The following CEP112 variants were observed in gnomAD, a reference collection of about 807,000 sequenced individuals.
CEP112 encodes the protein centrosomal protein of 112 kDa.
In CEP112, 127 loss-of-function variants were observed where a neutral mutation model predicts 153.0. The observed-to-expected ratio is 0.83, with a 90% CI of 0.72 to 0.96. The LOEUF (loss-of-function observed/expected upper bound fraction) is 0.96. CEP112 is among the 40% of genes least tolerant of loss of function. CEP112 has a pLI of 0.00. For synonymous variants in CEP112, 358 were observed against 374.4 expected, an observed-to-expected ratio of 0.96 and a Z score of 0.51; for missense variants, 1,089 against 1,101.2, an observed-to-expected ratio of 0.99 and a Z score of 0.16.
chr17:65,680,658 G>A (rs2047474383), intron 24 of CEP112, among the ~76,000 whole-genome samples: 1 of 152,178 alleles, frequency 6.6e-6, no homozygotes, highest in East Asian at 1.9e-4. Context: ...AAGCTTTAAT[G>A]CGGAGGGCGG....
intron 21 of CEP112, among the ~76,000 whole-genome samples, chr17:65,800,862 T>C (rs892561863): frequency 5.9e-5 from 9 of 152,214 alleles, no homozygotes; most frequent in Admixed American, 5.9e-4. Flanking sequence ...TAATGACTAA[T>C]GGTGTTGAGC....
chr17:66,081,305 T>C (rs1314375765), intron 8 of CEP112, among the ~76,000 whole-genome samples: 1 of 152,100 alleles, frequency 6.6e-6, no homozygotes, highest in Admixed American at 6.5e-5. Flanking sequence ...TTAAAACAAA[T>C]AGGTGAAAAT....
intron 21 of CEP112, among the ~76,000 whole-genome samples, chr17:65,762,741 T>C (rs1446555725): frequency 6.6e-6 from 1 of 152,034 alleles, no homozygotes; most frequent in Non-Finnish European, 1.5e-5. Context: ...TTATTTTTTG[T>C]ATTACTGCTG....
intron 8 of CEP112, among the ~76,000 whole-genome samples, chr17:66,083,830 C>G (rs1032045879): frequency 4.6e-5 from 7 of 152,072 alleles, no homozygotes; most frequent in African/African-American, 7.2e-5. Context: ...CACACTCCAG[C>G]CTGGGTGACT....
chr17:65,768,093 C>T (rs938762845), intron 21 of CEP112, among the ~76,000 whole-genome samples: 2 of 152,096 alleles, frequency 1.3e-5, no homozygotes, highest in African/African-American at 2.4e-5. Flanking sequence ...TTGACTACCC[C>T]AAAACTTAAC....
chr17:66,039,515 C>T (rs1598196758), intron 12 of CEP112, among the ~76,000 whole-genome samples: 1 of 152,010 alleles, frequency 6.6e-6, no homozygotes, highest in South Asian at 2.1e-4. Context: ...AGTTTGTGTG[C>T]CACTGCACTC....
chr17:66,090,836 A>G (rs1338576796), intron 8 of CEP112, among the ~76,000 whole-genome samples: 1 of 152,094 alleles, frequency 6.6e-6, no homozygotes, highest in Non-Finnish European at 1.5e-5. Flanking sequence ...ACTGAAAGTG[A>G]AGGAAGAGGA....
intron 8 of CEP112, among the ~76,000 whole-genome samples, chr17:66,076,309 G>T (rs1251068352): frequency 6.6e-6 from 1 of 152,094 alleles, no homozygotes; most frequent in Non-Finnish European, 1.5e-5. Context: ...GTAGCCTGGG[G>T]CAAGTTCTCC....
chr17:66,081,093 A>C (rs2067699390), intron 8 of CEP112, among the ~76,000 whole-genome samples: 1 of 152,212 alleles, frequency 6.6e-6, no homozygotes, highest in Admixed American at 6.5e-5. Flanking sequence ...GCAAATCACC[A>C]TGGCAAGTGT....
chr17:65,855,945 T>G (rs2058106345), intron 20 of CEP112, among the ~76,000 whole-genome samples: 1 of 151,970 alleles, frequency 6.6e-6, no homozygotes, highest in South Asian at 2.1e-4. Context: ...GTGCCTGTAG[T>G]CCCAGCTACT....
At chr17:65,974,512 C>T (rs892582750) in intron 17 of CEP112, among the ~76,000 whole-genome samples, 5 of 152,120 alleles carry the variant, frequency 3.3e-5, no homozygotes, top group Non-Finnish European at 7.4e-5. Context: ...AAAAGTTACC[C>T]TGAATCTATA....
At chr17:65,766,469 A>G (rs1188166329) in intron 21 of CEP112, among the ~76,000 whole-genome samples, 2 of 151,674 alleles carry the variant, frequency 1.3e-5, no homozygotes, top group Non-Finnish European at 2.9e-5. Context: ...TCAGAAAGGA[A>G]AAAAGGAACA....
chr17:65,974,400 A>G (rs1391296053), intron 17 of CEP112, among the ~76,000 whole-genome samples: 1 of 152,170 alleles, frequency 6.6e-6, no homozygotes, highest in African/African-American at 2.4e-5. Flanking sequence ...CCTTATTTGC[A>G]GCCAAGAGAA....
At chr17:65,969,375 A>G (rs2062545172) in intron 17 of CEP112, among the ~76,000 whole-genome samples, 1 of 152,200 alleles carries the variant, frequency 6.6e-6, no homozygotes, top group African/African-American at 2.4e-5. Context: ...AACGTATTAC[A>G]TGTACATTGC....
At chr17:65,950,454 T>C (rs1194909639) in intron 18 of CEP112, among the ~76,000 whole-genome samples, 3 of 152,200 alleles carry the variant, frequency 2.0e-5, no homozygotes, top group African/African-American at 7.2e-5. Context: ...TTATTTTATT[T>C]GTTTACTTGT....
At chr17:66,152,711 AG>A (rs1266207364) in intron 4 of CEP112, among the ~76,000 whole-genome samples, 1 of 152,216 alleles carries the variant, frequency 6.6e-6, no homozygotes, top group African/African-American at 2.4e-5. Flanking sequence ...ATCAAACAAG[AG>A]GGCCTCTACA....
chr17:65,817,613 T>A (rs2056339275), intron 21 of CEP112, among the ~76,000 whole-genome samples: 1 of 151,940 alleles, frequency 6.6e-6, no homozygotes, highest in South Asian at 2.1e-4. Flanking sequence ...ATTGGACAAA[T>A]TTTGTTTTGG....
chr17:65,969,647 T>C (rs1435844868), intron 17 of CEP112, among the ~76,000 whole-genome samples: 2 of 152,244 alleles, frequency 1.3e-5, no homozygotes, highest in Non-Finnish European at 2.9e-5. Flanking sequence ...TGCAAGCATA[T>C]ATGACATGTA....
chr17:66,132,152 C>CA (rs1287009938), intron 5 of CEP112, among the ~76,000 whole-genome samples: 2 of 105,482 alleles, frequency 1.9e-5, no homozygotes, highest in African/African-American at 7.8e-5. Context: ...GCCTGGGCAA[C>CA]AGTGAGACTC....
Sources: gnomAD v4.1 joint callset for allele counts (sites outside exome capture counted in the v4.1 genomes callset) on GRCh38, gnomAD v4.1.1 for gene constraint, MANE v1.5 for transcripts, NCBI Gene and HGNC (gene_info 2026-07-23, HGNC 2026-07-21) for gene names.